AGAP1: variants seen among roughly 807,000 people sequenced by gnomAD.
The protein encoded by AGAP1 is ArfGAP with GTPase domain, ankyrin repeat and PH domain 1, also known as arf-GAP with GTPase, ANK repeat and PH domain-containing protein 1.
A neutral mutation model predicts 105.3 loss-of-function variants in AGAP1; 29 were observed. That is an observed-to-expected ratio of 0.28 (90% CI 0.21 to 0.38). The LOEUF (loss-of-function observed/expected upper bound fraction) is 0.38, where lower values mean the gene tolerates loss of function less well. Ranked by LOEUF, AGAP1 falls within the 10% of genes least tolerant of loss-of-function variation. The pLI is 1.00. For synonymous variants in AGAP1, 509 were observed against 485.9 expected, an observed-to-expected ratio of 1.05 and a Z score of -0.63; for missense variants, 998 against 1,165.1, an observed-to-expected ratio of 0.86 and a Z score of 2.09.
At position 235,494,625 on chromosome 2, in the gene AGAP1, G is replaced by A; in HGVS notation, c.-62G>A. 7 of 927,828 alleles carry A rather than the reference G, an allele frequency of 7.5e-6. No individual in the cohort carries two copies. Among genetic ancestry groups the A allele is most frequent in the Non-Finnish European group, 8.9e-6 (7 of 782,508 alleles). The allele number at this position is 927,828 out of a possible 1,614,324, so 57.5% of individuals were successfully genotyped here. A position where few individuals can be genotyped will look rare whatever the true frequency, so the allele number is the denominator to read the frequency against. Reference sequence around the variant, plus strand: ...GGCGCCCCGGGCTCGGCGGCCCGCGGGCCCCGGGGCGCGGGGCGGCGGCGG... The same window carrying A: ...GGCGCCCCGGGCTCGGCGGCCCGCGAGCCCCGGGGCGCGGGGCGGCGGCGG... On this transcript the variant is annotated 5_prime_UTR_variant, in exon 1 of 18. Coordinates refer to ENST00000304032, the MANE Select transcript of AGAP1 (RefSeq NM_001037131.3).
At chr2:235,680,091 A>C (rs952416654) in intron 1 of AGAP1, among the ~76,000 whole-genome samples, 1 of 152,212 alleles carries the variant, frequency 6.6e-6, no homozygotes, top group Non-Finnish European at 1.5e-5. Flanking sequence ...GCAAGTAACT[A>C]GTGAGAGGAA....
chr2:235,843,716 C>G lies in AGAP1; in HGVS notation c.1050+36385C>G, dbSNP rs1307272180. Among the ~76,000 whole-genome samples, 7 of 152,202 alleles carry G rather than the reference C, an allele frequency of 4.6e-5. No homozygotes were observed. The highest frequency in any genetic ancestry group is 4.6e-4 in the Admixed American group (7 of 15,284). ...GATGTGTAGCCACTGGGATCTTTTT[C>G]ATCTCATCAGCCTAGCTCCCGGCAG... On this transcript the variant is annotated intron_variant, in intron 9 of 17. Coordinates refer to ENST00000304032, the MANE Select transcript of AGAP1 (RefSeq NM_001037131.3). This position sits in a 1 kb window ranked among gnomAD's most constrained non-coding sequence, Gnocchi z 5.9.
chr2:235,986,108 G>GT (rs973382053), intron 13 of AGAP1, among the ~76,000 whole-genome samples: 2 of 152,126 alleles, frequency 1.3e-5, no homozygotes, highest in South Asian at 2.1e-4. Flanking sequence ...TGAGGATGGA[G>GT]TTTTTTTCCA....
chr2:236,069,551 A>G (rs1474124102), intron 16 of AGAP1, among the ~76,000 whole-genome samples: 7 of 152,046 alleles, frequency 4.6e-5, no homozygotes, highest in African/African-American at 1.7e-4. Context: ...AGCCTCCCAA[A>G]TAGCTGGGAT....
intron 1 of AGAP1, among the ~76,000 whole-genome samples, chr2:235,606,293 C>G (rs1307864911): frequency 6.6e-6 from 1 of 152,178 alleles, no homozygotes; most frequent in Non-Finnish European, 1.5e-5. Context: ...TTCTCCACAA[C>G]AGCAGACCGC....
chr2:235,932,737 C>A (rs986487182), intron 12 of AGAP1, among the ~76,000 whole-genome samples: 2 of 152,166 alleles, frequency 1.3e-5, no homozygotes, highest in African/African-American at 4.8e-5. Flanking sequence ...GGTAACTTTC[C>A]CTCTACTGAA....
chr2:235,718,801 G>A (rs890267119), intron 3 of AGAP1, among the ~76,000 whole-genome samples: 5 of 152,208 alleles, frequency 3.3e-5, no homozygotes, highest in Non-Finnish European at 5.9e-5. Flanking sequence ...AGGCTTGTAT[G>A]TAGGGGTCAA....
At chr2:235,852,594 G>A in intron 9 of AGAP1, 2 of 1,222,678 alleles carry the variant, frequency 1.6e-6, no homozygotes, top group South Asian at 4.8e-5. Flanking sequence ...CTGAAGTAAG[G>A]GTTAGGTAAT....
chr2:235,609,156 G>T lies in AGAP1; in HGVS notation c.164-100023G>T, dbSNP rs1367348880. On this transcript the variant is annotated intron_variant, in intron 1 of 17. Coordinates refer to ENST00000304032, the MANE Select transcript of AGAP1 (RefSeq NM_001037131.3). This position sits in a 1 kb window ranked among gnomAD's most constrained non-coding sequence, Gnocchi z 5.1. ...CTTATTTTTGGCAGTTTTCTTTCTT[G>T]ATGGTGGGGAGGGTTTGTGACCAGG... is the stretch of plus-strand genomic sequence containing the variant. Among the ~76,000 whole-genome samples, 1 of 152,128 alleles carries T rather than the reference G, an allele frequency of 6.6e-6. No individual in the cohort carries two copies. The highest frequency in any genetic ancestry group is 1.5e-5 in the Non-Finnish European group (1 of 68,040).
Position 235,980,744 on chromosome 2 carries a change from C to T in AGAP1, c.1645+12121C>T, listed in dbSNP as rs186138142. Among the ~76,000 whole-genome samples, 512 of 152,252 alleles carry T rather than the reference C, an allele frequency of 3.4e-3. 3 individuals are homozygous for T. The highest frequency in any genetic ancestry group is 0.027 in the Middle Eastern group (8 of 294). ...CTGTTGAGTGGTCGCTCCGTGTGAC[C>T]GTGGAGCTCATGTCAGCATTGCTAG... On this transcript the variant is annotated intron_variant, in intron 13 of 17. Coordinates refer to ENST00000304032, the MANE Select transcript of AGAP1 (RefSeq NM_001037131.3).
chr2:235,779,365 T>C (rs959738918), intron 6 of AGAP1, among the ~76,000 whole-genome samples: 6 of 152,228 alleles, frequency 3.9e-5, no homozygotes, highest in African/African-American at 1.4e-4. Flanking sequence ...CCTCGGCCAC[T>C]CTTGGGTTGT....
At chr2:235,980,943 A>G (rs754480470) in intron 13 of AGAP1, among the ~76,000 whole-genome samples, 2 of 152,244 alleles carry the variant, frequency 1.3e-5, no homozygotes, top group African/African-American at 2.4e-5. Flanking sequence ...CAATGTTACT[A>G]TGTAGAAGTG....
At chr2:236,054,644 C>T (rs184645152) in intron 16 of AGAP1, among the ~76,000 whole-genome samples, 4 of 152,320 alleles carry the variant, frequency 2.6e-5, no homozygotes, top group South Asian at 4.1e-4. Flanking sequence ...ACTCAGAACA[C>T]GCATAACAAG....
Position 236,101,318 on chromosome 2 carries a change from T to C in AGAP1, c.2115-18874T>C, listed in dbSNP as rs1008097791. On this transcript the variant is annotated intron_variant, in intron 16 of 17. Transcript: ENST00000304032. The surrounding 1 kb of genome is among the most constrained non-coding windows in gnomAD (Gnocchi z 4.9). Reference sequence around the variant, plus strand: ...GGTCCTATGTCTTTAAACAATAATATTACCACAGGCCGCAGTTCTTAAAGC... The same window carrying C: ...GGTCCTATGTCTTTAAACAATAATACTACCACAGGCCGCAGTTCTTAAAGC... Among the ~76,000 whole-genome samples the C allele has an allele frequency of 6.6e-6, 1 of 152,192 alleles. No individual in the cohort carries two copies. Among genetic ancestry groups the C allele is most frequent in the Non-Finnish European group, 1.5e-5 (1 of 68,042 alleles).
At chr2:235,572,981 T>C (rs1331662164) in intron 1 of AGAP1, among the ~76,000 whole-genome samples, 5 of 27,074 alleles carry the variant, frequency 1.8e-4, no homozygotes, top group South Asian at 1.6e-3. Flanking sequence ...TCTTTTTTCT[T>C]CTTCTTCTTC....
At chr2:235,715,844 C>T (rs1172910199) in intron 2 of AGAP1, among the ~76,000 whole-genome samples, 4 of 152,024 alleles carry the variant, frequency 2.6e-5, no homozygotes, top group Admixed American at 1.3e-4. Context: ...CACTGGGAGT[C>T]GGGGATGGCC....
At chr2:235,730,999 G>A (rs1239527001) in intron 3 of AGAP1, among the ~76,000 whole-genome samples, 1 of 152,074 alleles carries the variant, frequency 6.6e-6, no homozygotes, top group African/African-American at 2.4e-5. Context: ...GGCTCTCCTT[G>A]TCTTACATGA....
In AGAP1 at chr2:235,700,396, T is replaced by C. The variant is rs1312493963; in HGVS notation, c.164-8783T>C. Among the ~76,000 whole-genome samples, 1 of 152,180 alleles carries C rather than the reference T, an allele frequency of 6.6e-6. No homozygotes were observed. Among genetic ancestry groups the C allele is most frequent in the Non-Finnish European group, 1.5e-5 (1 of 68,028 alleles). ...CCCTCTGCTTTGATTCTCTCAGACG[T>C]GAATCCTTTAAGCAGTGCTTTACAC... On this transcript the variant is annotated intron_variant, in intron 1 of 17. Coordinates refer to ENST00000304032, the MANE Select transcript of AGAP1 (RefSeq NM_001037131.3). This position sits in a 1 kb window ranked among gnomAD's most constrained non-coding sequence, Gnocchi z 6.1.
Position 235,721,098 on chromosome 2 carries a change from C to T in AGAP1, c.310+3454C>T, listed in dbSNP as rs1024015269. On this transcript the variant is annotated intron_variant, in intron 3 of 17. Transcript: ENST00000304032. This position sits in a 1 kb window ranked among gnomAD's most constrained non-coding sequence, Gnocchi z 4.5. ...TCTCAGCTCACTCCAACCTCTGCCT[C>T]CAGGATTCAAGTGATCCTCCTGCCG... Among the ~76,000 whole-genome samples, 94 of 152,268 alleles carry T rather than the reference C, an allele frequency of 6.2e-4. No individual in the cohort carries two copies. The highest frequency in any genetic ancestry group is 2.2e-3 in the African/African-American group (93 of 41,558).
Sources: gnomAD v4.1 joint callset for allele counts (sites outside exome capture counted in the v4.1 genomes callset) on GRCh38, gnomAD v4.1.1 for gene constraint, Gnocchi (gnomAD v3.1) non-coding constraint, MANE v1.5 for transcripts, NCBI Gene and HGNC (gene_info 2026-07-23, HGNC 2026-07-21) for gene names.